NPHP1: variants seen among roughly 807,000 people sequenced by gnomAD.
The protein encoded by NPHP1 is nephrocystin-1.
NPHP1 carries 70 observed loss-of-function variants against 90.4 expected under a neutral mutation model. The ratio of observed to expected loss-of-function variants is 0.77; its 90% CI spans 0.64 to 0.95. NPHP1 has a LOEUF of 0.95. Among genes scored for constraint, NPHP1 ranks in the 40% least tolerant of loss-of-function variants. NPHP1 has a pLI of 0.00. For missense variants in NPHP1, 764 were observed against 795.9 expected, an observed-to-expected ratio of 0.96 and a Z score of 0.48; for synonymous variants, 256 against 271.7, an observed-to-expected ratio of 0.94 and a Z score of 0.57.
rs17842685 is a variant in NPHP1 at position 110,146,623 on chromosome 2, A to G, written c.1352+130T>C. On this transcript the variant is annotated intron_variant, in intron 14 of 19. Coordinates refer to ENST00000445609, the MANE Select transcript of NPHP1 (RefSeq NM_001128178.3). ...TTTCATACACTGCCTAAACAACACT[A>G]AAGTCAACATAAAAAGTCCTCTCCC... 2,352 of 727,462 alleles carry G rather than the reference A, an allele frequency of 3.2e-3. 41 individuals carry two copies. The African/African-American group carries it at 0.037, about 11-fold the overall frequency. The allele number at this position is 727,462 out of a possible 1,614,324, so 45.1% of individuals were successfully genotyped here.
At chr2:110,150,325 A>G (rs1171911809) in intron 11 of NPHP1, 69 bp from the exon 12 acceptor site, 12 of 1,451,576 alleles carry the variant, frequency 8.3e-6, no homozygotes, top group Non-Finnish European at 1.2e-5. Context: ...TCCATGTCCC[A>G]AAGAGTTAAC....
intron 16 of NPHP1, among the ~76,000 whole-genome samples, chr2:110,140,837 C>T (rs907734153): frequency 1.4e-4 from 21 of 152,116 alleles, no homozygotes; most frequent in African/African-American, 5.1e-4. Context: ...TACCCATGAA[C>T]ACATTATTAA....
intron 3 of NPHP1, among the ~76,000 whole-genome samples, chr2:110,179,298 C>A (rs150203608): frequency 1.3e-5 from 2 of 152,082 alleles, no homozygotes; most frequent in Non-Finnish European, 2.9e-5. Flanking sequence ...TATTTCCCCA[C>A]AAAGAAATTA....
intron 12 of NPHP1, among the ~76,000 whole-genome samples, 197 bp from the exon 13 acceptor site, chr2:110,148,223 C>T (rs562328780): frequency 2.0e-5 from 3 of 152,128 alleles, no homozygotes; most frequent in African/African-American, 4.8e-5. Flanking sequence ...ACAGAGAGTT[C>T]GTTCTCAGGA....
chr2:110,186,314 C>T (rs1193843855), intron 2 of NPHP1, among the ~76,000 whole-genome samples: 1 of 152,174 alleles, frequency 6.6e-6, no homozygotes, highest in Non-Finnish European at 1.5e-5. Context: ...GAGCCAGTGT[C>T]CTTAGGACTG....
intron 11 of NPHP1, among the ~76,000 whole-genome samples, chr2:110,159,863 T>A (rs559282677): frequency 5.5e-4 from 83 of 152,128 alleles, no homozygotes; most frequent in Non-Finnish European, 9.0e-4. Context: ...TCTAGCCTCT[T>A]GATTTGCTAG....
At chr2:110,130,688 C>T (rs1408163609) in intron 17 of NPHP1, among the ~76,000 whole-genome samples, 1 of 152,174 alleles carries the variant, frequency 6.6e-6, no homozygotes, top group African/African-American at 2.4e-5. Flanking sequence ...TTCAAGCCCT[C>T]CAACACATGC....
chr2:110,145,749 AATAG>A (rs1221274763), intron 14 of NPHP1, among the ~76,000 whole-genome samples: 1 of 152,200 alleles, frequency 6.6e-6, no homozygotes, highest in Admixed American at 6.5e-5. Flanking sequence ...AGAAAGATGG[AATAG>A]ATATACAATT....
intron 1 of NPHP1, among the ~76,000 whole-genome samples, chr2:110,202,155 T>G (rs1685614409): frequency 6.6e-6 from 1 of 152,194 alleles, no homozygotes; most frequent in Non-Finnish European, 1.5e-5. Context: ...GTATTGAATG[T>G]ATCATGACTT....
intron 12 of NPHP1, among the ~76,000 whole-genome samples, chr2:110,149,398 G>C (rs927720223): frequency 2.0e-5 from 3 of 152,108 alleles, no homozygotes; most frequent in African/African-American, 7.2e-5. Flanking sequence ...TGTGCCAAAA[G>C]AGAGGCCATG....
intron 11 of NPHP1, among the ~76,000 whole-genome samples, chr2:110,151,247 G>C (rs1258176068): frequency 6.6e-6 from 1 of 150,660 alleles, no homozygotes; most frequent in Non-Finnish European, 1.5e-5. Context: ...AAGACAGACA[G>C]TCCTAATAGT....
intron 2 of NPHP1, among the ~76,000 whole-genome samples, chr2:110,192,150 G>A (rs1684798735): frequency 6.6e-6 from 1 of 152,172 alleles, no homozygotes; most frequent in Non-Finnish European, 1.5e-5. Context: ...GAACAAAGCT[G>A]GACGGAGAAT....
intron 16 of NPHP1, among the ~76,000 whole-genome samples, chr2:110,142,665 C>T (rs1318015370): frequency 6.6e-6 from 1 of 152,080 alleles, no homozygotes; most frequent in Non-Finnish European, 1.5e-5. Context: ...AACTAGTCTA[C>T]TGAACATCAG....
chr2:110,165,726 T>A (rs1004648807), intron 6 of NPHP1, among the ~76,000 whole-genome samples: 1 of 152,054 alleles, frequency 6.6e-6, no homozygotes, highest in Non-Finnish European at 1.5e-5. Context: ...AATATCCTGA[T>A]TATTAAAATA....
chr2:110,155,556 A>G (rs1293597183), intron 11 of NPHP1, among the ~76,000 whole-genome samples: 1 of 152,206 alleles, frequency 6.6e-6, no homozygotes, highest in Non-Finnish European at 1.5e-5. Flanking sequence ...ACAGGGGCTG[A>G]GCTGCCCAAG....
At chr2:110,170,103 G>T in intron 4 of NPHP1, 105 bp from the exon 5 acceptor site, 1 of 1,419,318 alleles carries the variant, frequency 7.0e-7, no homozygotes, top group Non-Finnish European at 9.9e-7. Context: ...ATTTGGAGCT[G>T]GCAAATAAAA....
intron 16 of NPHP1, among the ~76,000 whole-genome samples, chr2:110,139,153 GA>G (rs1274372627): frequency 6.6e-6 from 1 of 151,360 alleles, no homozygotes; most frequent in Non-Finnish European, 1.5e-5. Flanking sequence ...AAGTAAAGGA[GA>G]AAAAAGATGG....
At chr2:110,199,024 A>G (rs1341372525) in intron 2 of NPHP1, among the ~76,000 whole-genome samples, 1 of 151,514 alleles carries the variant, frequency 6.6e-6, no homozygotes, top group Non-Finnish European at 1.5e-5. Flanking sequence ...ACTTAAGGAG[A>G]AAAAAAAAGC....
chr2:110,183,887 T>C (rs1034546176), intron 2 of NPHP1, among the ~76,000 whole-genome samples: 4 of 152,088 alleles, frequency 2.6e-5, no homozygotes, highest in Non-Finnish European at 5.9e-5. Context: ...TACTCTAAAA[T>C]TGATCAAGTA....
Sources: gnomAD v4.1 joint callset for allele counts (sites outside exome capture counted in the v4.1 genomes callset) on GRCh38, gnomAD v4.1.1 for gene constraint, MANE v1.5 for transcripts, NCBI Gene and HGNC (gene_info 2026-07-23, HGNC 2026-07-21) for gene names.